Variants in SCHIP1 observed in about 807,000 individuals in gnomAD.
SCHIP1 encodes schwannomin interacting protein 1, also known as schwannomin-interacting protein 1.
SCHIP1 carries 8 observed loss-of-function variants against 29.7 expected under a neutral mutation model. That is an observed-to-expected ratio of 0.27 (90% CI 0.16 to 0.49). The LOEUF is 0.49. Among genes scored for constraint, SCHIP1 ranks in the 20% least tolerant of loss-of-function variants. The pLI is 0.99. For synonymous variants in SCHIP1, 76 were observed against 94.9 expected (o/e 0.80, Z 1.16); for missense variants, 193 against 294.6 (o/e 0.66, Z 2.52).
chr3:159,419,828 A>T, the SCHIP1 span, among the ~76,000 whole-genome samples: 1 of 152,082 alleles, frequency 6.6e-6, no homozygotes, highest in Non-Finnish European at 1.5e-5. Context: ...AAAATTAATG[A>T]TATCTTATAA....
the SCHIP1 span, among the ~76,000 whole-genome samples, chr3:159,304,943 G>T: frequency 1.3e-5 from 2 of 152,038 alleles, no homozygotes; most frequent in African/African-American, 2.4e-5. Flanking sequence ...ACACACCCTT[G>T]TGTCTCTCTC....
the SCHIP1 span, among the ~76,000 whole-genome samples, chr3:159,732,438 G>A: frequency 2.0e-5 from 3 of 152,180 alleles, no homozygotes; most frequent in Admixed American, 6.5e-5. Flanking sequence ...CCTTCTCTCC[G>A]CAATTTGCCC....
the SCHIP1 span, among the ~76,000 whole-genome samples, chr3:159,456,873 G>A: frequency 1.3e-5 from 2 of 152,080 alleles, no homozygotes; most frequent in African/African-American, 4.8e-5. Context: ...AAATTTTAAA[G>A]ATCATGATTT....
chr3:159,464,435 C>T, the SCHIP1 span, among the ~76,000 whole-genome samples: 2 of 152,140 alleles, frequency 1.3e-5, no homozygotes, highest in African/African-American at 4.8e-5. Flanking sequence ...TGTTTCTTAA[C>T]TCTAAAGATA....
At chr3:159,342,586 G>T in the SCHIP1 span, among the ~76,000 whole-genome samples, 4 of 152,070 alleles carry the variant, frequency 2.6e-5, no homozygotes, top group African/African-American at 9.7e-5. Flanking sequence ...AATGCAACCA[G>T]ATTTTAAAGG....
chr3:159,348,358 T>C, the SCHIP1 span, among the ~76,000 whole-genome samples: 1 of 152,132 alleles, frequency 6.6e-6, no homozygotes, highest in Non-Finnish European at 1.5e-5. Context: ...GGTTAGTTAA[T>C]GTTAATCTTA....
At chr3:159,767,370 C>G in the SCHIP1 span, among the ~76,000 whole-genome samples, 1 of 152,028 alleles carries the variant, frequency 6.6e-6, no homozygotes, top group Non-Finnish European at 1.5e-5. Context: ...CACTATGGGT[C>G]GCTGTTATAA....
chr3:159,383,367 C>G, the SCHIP1 span, among the ~76,000 whole-genome samples: 1 of 150,352 alleles, frequency 6.7e-6, no homozygotes, highest in South Asian at 2.1e-4. Context: ...AATAGGGAAT[C>G]CTTTCCCCAT....
the SCHIP1 span, among the ~76,000 whole-genome samples, chr3:159,775,299 A>G: frequency 6.6e-6 from 1 of 152,240 alleles, no homozygotes; most frequent in Non-Finnish European, 1.5e-5. Flanking sequence ...TTCCAGGTGC[A>G]GAGGCAGGTG....
chr3:159,274,902 TA>T, the SCHIP1 span: 41 of 804,672 alleles, frequency 5.1e-5, 1 homozygote, highest in South Asian at 2.2e-3. Flanking sequence ...TCTTCATATT[TA>T]AAAACCAGTA....
chr3:159,653,913 C>T, the SCHIP1 span, among the ~76,000 whole-genome samples: 2 of 152,064 alleles, frequency 1.3e-5, no homozygotes, highest in African/African-American at 4.8e-5. Flanking sequence ...CTCATCTTTA[C>T]AAATTATATG....
At chr3:159,804,393 A>G in the SCHIP1 span, among the ~76,000 whole-genome samples, 77 of 152,352 alleles carry the variant, frequency 5.1e-4, 1 homozygote, top group African/African-American at 1.7e-3. Context: ...TCCAAAAAAT[A>G]TATCTCCACT....
At chr3:159,579,648 T>G in the SCHIP1 span, among the ~76,000 whole-genome samples, 1 of 152,180 alleles carries the variant, frequency 6.6e-6, no homozygotes, top group Non-Finnish European at 1.5e-5. Context: ...TGGCAAGGTC[T>G]TAGCTCAAAA....
At chr3:159,699,590 G>T in the SCHIP1 span, among the ~76,000 whole-genome samples, 1 of 152,344 alleles carries the variant, frequency 6.6e-6, no homozygotes, top group Non-Finnish European at 1.5e-5. Flanking sequence ...GCTGTGGGAA[G>T]TATCACATCC....
chr3:159,734,864 G>A, the SCHIP1 span, among the ~76,000 whole-genome samples: 13 of 146,032 alleles, frequency 8.9e-5, no homozygotes, highest in African/African-American at 2.0e-4. Context: ...TTTTGAAAAC[G>A]GAAACCAGCT....
chr3:159,742,298 C>G, the SCHIP1 span, among the ~76,000 whole-genome samples: 3 of 152,162 alleles, frequency 2.0e-5, no homozygotes, highest in Non-Finnish European at 4.4e-5. Flanking sequence ...TGGGAGTTAT[C>G]GCAGGACCGG....
chr3:159,352,883 G>A, the SCHIP1 span, among the ~76,000 whole-genome samples: 1 of 151,786 alleles, frequency 6.6e-6, no homozygotes, highest in Admixed American at 6.6e-5. Flanking sequence ...TTAAAAAGTA[G>A]TCAATTTAAA....
chr3:159,510,914 C>T, the SCHIP1 span, among the ~76,000 whole-genome samples: 1 of 152,208 alleles, frequency 6.6e-6, no homozygotes, highest in Admixed American at 6.5e-5. Context: ...ACTCAGGGGT[C>T]AGTGACCCAC....
chr3:159,854,508 A>G (rs1262776596), intron 1 of SCHIP1, among the ~76,000 whole-genome samples: 1 of 152,166 alleles, frequency 6.6e-6, no homozygotes, highest in African/African-American at 2.4e-5. Context: ...GTAACCTGCC[A>G]TGTTGCCGTT....
Sources: allele counts gnomAD v4.1 joint callset (sites outside exome capture counted in the v4.1 genomes callset), GRCh38; gene constraint gnomAD v4.1.1; transcripts MANE v1.5; gene names NCBI Gene and HGNC (gene_info 2026-07-23, HGNC 2026-07-21).